The following SH3KBP1 variants were observed in gnomAD, a reference collection of about 807,000 sequenced individuals.
The protein encoded by SH3KBP1 is SH3 domain-containing kinase-binding protein 1.
A neutral mutation model predicts 50.1 loss-of-function variants in SH3KBP1; 8 were observed. That is an observed-to-expected ratio of 0.16 (90% CI 0.09 to 0.29). The LOEUF (loss-of-function observed/expected upper bound fraction) is 0.29. Among genes scored for constraint, SH3KBP1 ranks in the 10% least tolerant of loss-of-function variants. The pLI is 1.00. For synonymous variants in SH3KBP1, 227 were observed against 218.6 expected (o/e 1.04, Z -0.34); for missense variants, 377 against 535.2 (o/e 0.70, Z 2.92).
At chrX:19,737,954 G>A (rs1222532291) in intron 3 of SH3KBP1, among the ~76,000 whole-genome samples, 1 of 112,231 alleles carries the variant, frequency 8.9e-6, no homozygotes, top group Non-Finnish European at 1.9e-5. Context: ...AAGAAGCCTC[G>A]CCAGTCATTT....
chrX:19,608,454 C>T (rs931427074), intron 8 of SH3KBP1, among the ~76,000 whole-genome samples: 2 of 108,982 alleles, frequency 1.8e-5, no homozygotes, highest in Non-Finnish European at 3.8e-5. Flanking sequence ...ATTACAGGCA[C>T]GTGCCACAAT....
At chrX:19,538,490 T>C (rs1198507569) in intron 16 of SH3KBP1, among the ~76,000 whole-genome samples, 1 of 111,629 alleles carries the variant, frequency 9.0e-6, no homozygotes, top group Non-Finnish European at 1.9e-5. Flanking sequence ...ATTACAGACA[T>C]GAACCACTAA....
At chrX:19,777,219 G>A (rs753709995) in intron 2 of SH3KBP1, among the ~76,000 whole-genome samples, 1 of 111,642 alleles carries the variant, frequency 9.0e-6, no homozygotes, top group East Asian at 2.8e-4. Context: ...ACTGGCCAGG[G>A]CTGTGTGCTA....
At chrX:19,604,575 C>T (rs947369171) in intron 9 of SH3KBP1, among the ~76,000 whole-genome samples, 1 of 112,079 alleles carries the variant, frequency 8.9e-6, no homozygotes, top group Admixed American at 9.5e-5. Context: ...ACTGGCAAGA[C>T]AAGATGACAT....
rs1019790049 is a variant in SH3KBP1 at position 19,737,740 on chromosome X, T to C, written c.286+8578A>G. ...CTAGGTTGGGTCCCCTCAGCCTGCT[T>C]TTCATGCCAAAGCCCAGACTAGGAC... On this transcript the variant is annotated intron_variant, in intron 3 of 17. Coordinates refer to ENST00000397821, the MANE Select transcript of SH3KBP1 (RefSeq NM_031892.3). 1.4e-4 allele frequency among the ~76,000 whole-genome samples: 16 copies of C among 111,862 alleles called. No homozygotes were observed. The East Asian group carries it at 4.2e-3, about 29-fold the overall frequency.
intron 3 of SH3KBP1, among the ~76,000 whole-genome samples, chrX:19,724,350 C>G (rs1272148244): frequency 2.7e-5 from 3 of 112,523 alleles, no homozygotes; most frequent in African/African-American, 3.2e-5. Flanking sequence ...TTGTATTCAG[C>G]ACTTAATTGT....
intron 6 of SH3KBP1, chrX:19,683,465 C>T (rs12014145): frequency 1.5e-5 from 5 of 331,725 alleles, no homozygotes; most frequent in African/African-American, 2.6e-5. Flanking sequence ...GTACAAGGAG[C>T]GGAGAGAGAT....
At chrX:19,565,004 C>T (rs964668446) in intron 13 of SH3KBP1, among the ~76,000 whole-genome samples, 40 of 107,307 alleles carry the variant, frequency 3.7e-4, no homozygotes, top group African/African-American at 1.3e-3. Context: ...TGATGTGGAC[C>T]TAGAAGGTTT....
intron 12 of SH3KBP1, among the ~76,000 whole-genome samples, chrX:19,572,569 TG>T (rs1348676890): frequency 9.1e-6 from 1 of 109,605 alleles, no homozygotes; most frequent in Non-Finnish European, 1.9e-5. Context: ...AAAATGTTTT[TG>T]TTTTTTTAAG....
At chrX:19,695,567 C>T (rs781384267) in intron 5 of SH3KBP1, 45 bp downstream of exon 5, 13 of 1,193,592 alleles carry the variant, frequency 1.1e-5, no homozygotes, top group Non-Finnish European at 1.5e-5. Context: ...GCACAGCCTG[C>T]CGGTCCCCCG....
intron 2 of SH3KBP1, among the ~76,000 whole-genome samples, chrX:19,788,327 GA>G (rs2066425876): frequency 9.6e-6 from 1 of 104,079 alleles, no homozygotes; most frequent in Admixed American, 1.0e-4. Context: ...TGGACACAGA[GA>G]TATGCACACA....
chrX:19,569,832 C>T (rs185462072), intron 12 of SH3KBP1, among the ~76,000 whole-genome samples: 3 of 111,411 alleles, frequency 2.7e-5, no homozygotes, highest in African/African-American at 6.5e-5. Flanking sequence ...TCCAAGATGA[C>T]GAGAGAAACC....
chrX:19,657,620 C>T lies in SH3KBP1; in HGVS notation c.727-12145G>A, dbSNP rs186158592. ...GCATGCACCTGTAATCCCATCTACG[C>T]GGGAGGCTGAGGCAGGAGAATCGCT... On this transcript the variant is annotated intron_variant, in intron 6 of 17. Coordinates refer to ENST00000397821, the MANE Select transcript of SH3KBP1 (RefSeq NM_031892.3). Among the ~76,000 whole-genome samples the T allele has an allele frequency of 9.3e-4, 98 of 104,943 alleles. 1 individual carries two copies. Among genetic ancestry groups the T allele is most frequent in the African/African-American group, 2.9e-3 (82 of 28,697 alleles). The allele number at this position is 104,943 out of a possible 115,157, so 91.1% of individuals were successfully genotyped here. A position where few individuals can be genotyped will look rare whatever the true frequency, so the allele number is the denominator to read the frequency against.
At chrX:19,718,930 A>G (rs896680863) in intron 3 of SH3KBP1, among the ~76,000 whole-genome samples, 2 of 110,642 alleles carry the variant, frequency 1.8e-5, no homozygotes, top group African/African-American at 6.6e-5. Flanking sequence ...AGACACCACC[A>G]GCCTACACAG....
chrX:19,806,852 T>C (rs780435916), intron 2 of SH3KBP1, among the ~76,000 whole-genome samples: 1 of 112,246 alleles, frequency 8.9e-6, no homozygotes, highest in Admixed American at 9.4e-5. Context: ...TTTACAACTA[T>C]GTTTGGTTTT....
At chrX:19,624,320 G>A (rs1320745302) in intron 8 of SH3KBP1, among the ~76,000 whole-genome samples, 2 of 111,083 alleles carry the variant, frequency 1.8e-5, no homozygotes, top group African/African-American at 6.6e-5. Context: ...GGAAAAAAAA[G>A]TATTCCAAGA....
chrX:19,603,394 C>T (rs761818484), intron 9 of SH3KBP1, among the ~76,000 whole-genome samples: 1 of 112,355 alleles, frequency 8.9e-6, no homozygotes, highest in African/African-American at 3.2e-5. Context: ...TGGCTGACAT[C>T]TGAGTTCTTG....
At chrX:19,788,422 A>G (rs2066430196) in intron 2 of SH3KBP1, among the ~76,000 whole-genome samples, 2 of 110,603 alleles carry the variant, frequency 1.8e-5, no homozygotes. Flanking sequence ...ACCAGAAGCA[A>G]GGGGAGGAGC....
intron 8 of SH3KBP1, among the ~76,000 whole-genome samples, chrX:19,611,397 AG>A (rs1445333571): frequency 4.5e-5 from 5 of 111,845 alleles, no homozygotes; most frequent in Admixed American, 9.4e-5. Context: ...TCTGTCGCCC[AG>A]GCTGGAGTGC....
Sources: gnomAD v4.1 joint callset for allele counts (sites outside exome capture counted in the v4.1 genomes callset) on GRCh38, gnomAD v4.1.1 for gene constraint, MANE v1.5 for transcripts, NCBI Gene and HGNC (gene_info 2026-07-23, HGNC 2026-07-21) for gene names.